The following SNTG1 variants were observed in gnomAD, a reference collection of about 807,000 sequenced individuals.
The protein encoded by SNTG1 is gamma-1-syntrophin.
Under a neutral mutation model 74.7 loss-of-function variants are expected in SNTG1, and 39 were observed. That is an observed-to-expected ratio of 0.52 (90% CI 0.40 to 0.68). The LOEUF (loss-of-function observed/expected upper bound fraction) is 0.68. Ranked by LOEUF, SNTG1 falls within the 30% of genes least tolerant of loss-of-function variation. The pLI is 0.00. For missense variants in SNTG1, 685 were observed against 609.5 expected, an observed-to-expected ratio of 1.12 and a Z score of -1.30; for synonymous variants, 254 against 217.1, an observed-to-expected ratio of 1.17 and a Z score of -1.49.
chr8:49,912,738 C>A (rs532942311), intron 1 of SNTG1, among the ~76,000 whole-genome samples: 3 of 152,268 alleles, frequency 2.0e-5, no homozygotes, highest in African/African-American at 7.2e-5. Context: ...TCCAAGTATA[C>A]CTACACCTGT....
At position 50,450,477 on chromosome 8, in the gene SNTG1, C is replaced by A. The variant is rs548976878; in HGVS notation, c.278-79C>A. 1,543 of 1,428,758 alleles carry A rather than the reference C, an allele frequency of 1.1e-3. 1 individual carries two copies. Among genetic ancestry groups the A allele is most frequent in the Non-Finnish European group, 1.2e-3 (1,210 of 1,026,630 alleles). The allele number at this position is 1,428,758 out of a possible 1,614,324, so 88.5% of individuals were successfully genotyped here. ...TTAATTTTTATATTTGTAAATTTTA[C>A]CTTTATTTAATTAAAAGTCCTTTCA... On this transcript the variant is annotated intron_variant, in intron 6 of 18. Transcript: ENST00000642720.
intron 2 of SNTG1, among the ~76,000 whole-genome samples, chr8:50,233,735 A>G (rs2085750262): frequency 2.4e-4 from 1 of 4,188 alleles, no homozygotes; most frequent in African/African-American, 2.5e-4. Flanking sequence ...TAGAAAATGG[A>G]AAAAAAAATG....
chr8:50,173,237 C>T (rs1480874878), intron 2 of SNTG1, among the ~76,000 whole-genome samples: 1 of 152,068 alleles, frequency 6.6e-6, no homozygotes, highest in African/African-American at 2.4e-5. Flanking sequence ...GATCAATGAC[C>T]TTGTAGTAGA....
chr8:50,684,779 C>T (rs748578946), intron 15 of SNTG1, among the ~76,000 whole-genome samples: 3 of 140,476 alleles, frequency 2.1e-5, no homozygotes, highest in Non-Finnish European at 3.0e-5. Flanking sequence ...GGTACATGTG[C>T]TCATTGTACA....
intron 13 of SNTG1, among the ~76,000 whole-genome samples, chr8:50,609,621 C>T (rs566166598): frequency 4.6e-5 from 7 of 151,926 alleles, no homozygotes; most frequent in Non-Finnish European, 1.0e-4. Flanking sequence ...TAATGTTATT[C>T]TCCCTCTTCT....
intron 15 of SNTG1, among the ~76,000 whole-genome samples, chr8:50,672,446 A>G (rs892809337): frequency 1.3e-5 from 2 of 151,602 alleles, no homozygotes; most frequent in African/African-American, 4.8e-5. Flanking sequence ...GATCTTGAGT[A>G]TTTTTTTTCA....
chr8:50,426,793 G>A (rs1387631645), intron 4 of SNTG1, among the ~76,000 whole-genome samples: 1 of 151,708 alleles, frequency 6.6e-6, no homozygotes, highest in Non-Finnish European at 1.5e-5. Flanking sequence ...CTTGTAAAAT[G>A]AAAAATATTT....
chr8:50,533,790 G>T (rs2094287968), intron 10 of SNTG1, among the ~76,000 whole-genome samples: 1 of 151,958 alleles, frequency 6.6e-6, no homozygotes, highest in African/African-American at 2.4e-5. Flanking sequence ...TATACCTTTG[G>T]TACATACAGG....
intron 11 of SNTG1, among the ~76,000 whole-genome samples, chr8:50,542,765 G>C (rs977349712): frequency 1.3e-5 from 2 of 152,076 alleles, no homozygotes; most frequent in Non-Finnish European, 2.9e-5. Flanking sequence ...GTTATTGCCT[G>C]TCTTTCATAT....
chr8:50,592,333 A>G (rs747447112), intron 13 of SNTG1, among the ~76,000 whole-genome samples: 11 of 152,084 alleles, frequency 7.2e-5, no homozygotes, highest in Non-Finnish European at 1.6e-4. Context: ...TTTAAGAATG[A>G]CTCTAGAGCT....
In SNTG1 at chr8:50,681,043, TCATC is replaced by T; in HGVS notation, c.1038+22381_1038+22384del. Among the ~76,000 whole-genome samples, 3 of 152,314 alleles carry T rather than the reference TCATC, an allele frequency of 2.0e-5. No individual in the cohort carries two copies. In the East Asian group the frequency reaches 5.8e-4, roughly 29 times the overall value. On this transcript the variant is annotated intron_variant, in intron 15 of 18. Transcript: ENST00000642720. ...GCTTTCAAGTAAAAAAAAGTCATAC[TCATC>T]TCAACAAAAGATTAAATGCCATAGA...
Position 50,548,124 on chromosome 8 carries a change from G to T in SNTG1, c.681-4926G>T, listed in dbSNP as rs139874324. ...CTTCTTTGCACAATTTATTACTTTT[G>T]CCAGGGAATCCTGCTATGCCAGGAA... On this transcript the variant is annotated intron_variant, in intron 11 of 18. Coordinates refer to ENST00000642720, the MANE Select transcript of SNTG1 (RefSeq NM_018967.5). Among the ~76,000 whole-genome samples, 768 of 152,288 alleles carry T rather than the reference G, an allele frequency of 5.0e-3. 4 individuals carry two copies. The highest frequency in any genetic ancestry group is 0.018 in the African/African-American group (739 of 41,570).
intron 15 of SNTG1, among the ~76,000 whole-genome samples, chr8:50,664,421 CAAACATTGA>C (rs1222946972): frequency 2.0e-5 from 3 of 152,136 alleles, no homozygotes; most frequent in African/African-American, 4.8e-5. Context: ...GCAAATGCCA[CAAACATTGA>C]AAATCTATGA....
At chr8:50,536,617 A>C in intron 10 of SNTG1, 61 bp from the exon 11 acceptor site, 1 of 1,579,012 alleles carries the variant, frequency 6.3e-7, no homozygotes, top group Non-Finnish European at 8.6e-7. Flanking sequence ...AAGGGGTTTG[A>C]GATACAGAAA....
At chr8:50,572,124 G>C (rs1403396695) in intron 12 of SNTG1, among the ~76,000 whole-genome samples, 3 of 152,026 alleles carry the variant, frequency 2.0e-5, no homozygotes, top group Non-Finnish European at 4.4e-5. Flanking sequence ...GAAGCCCACG[G>C]TGACTGTGCT....
rs576296592 is a variant in SNTG1, at chr8:50,022,774, C to CT, written c.-103+110544dup. Among the ~76,000 whole-genome samples, 21 of 152,238 alleles carry CT rather than the reference C, an allele frequency of 1.4e-4. No homozygotes were observed. The South Asian group carries it at 3.3e-3, about 24-fold the overall frequency. On this transcript the variant is annotated intron_variant, in intron 1 of 18. Coordinates refer to ENST00000642720, the MANE Select transcript of SNTG1 (RefSeq NM_018967.5). ...CCATGTTGCCTCTGTTCCCACTGGG[C>CT]TCAAACCCAAAATGCACAGTTCTTG...
chr8:50,320,236 C>T (rs74643694), intron 2 of SNTG1, among the ~76,000 whole-genome samples: 2,934 of 152,018 alleles, frequency 0.019, 101 homozygotes, highest in African/African-American at 0.065. Context: ...GTTTCAATCA[C>T]GATAGGTTGT....
At chr8:50,204,497 T>A (rs578026078) in intron 2 of SNTG1, among the ~76,000 whole-genome samples, 1 of 152,316 alleles carries the variant, frequency 6.6e-6, no homozygotes, top group Non-Finnish European at 1.5e-5. Context: ...AGCATATTAA[T>A]CTAGGAATTG....
intron 1 of SNTG1, among the ~76,000 whole-genome samples, chr8:49,936,357 A>T (rs1427692725): frequency 1.3e-5 from 2 of 152,146 alleles, no homozygotes; most frequent in Admixed American, 1.3e-4. Flanking sequence ...CTTTTGCTAC[A>T]GTTTCCCTGT....
Sources: allele counts gnomAD v4.1 joint callset (sites outside exome capture counted in the v4.1 genomes callset), GRCh38; gene constraint gnomAD v4.1.1; transcripts MANE v1.5; gene names NCBI Gene and HGNC (gene_info 2026-07-23, HGNC 2026-07-21).